The following CSMD1 variants were observed in gnomAD, a reference collection of about 807,000 sequenced individuals.
The protein encoded by CSMD1 is CUB and Sushi multiple domains 1.
A neutral mutation model predicts 417.5 loss-of-function variants in CSMD1; 213 were observed. The observed-to-expected ratio is 0.51, with a 90% CI of 0.46 to 0.57. The LOEUF (loss-of-function observed/expected upper bound fraction) is 0.57. Among genes scored for constraint, CSMD1 ranks in the 20% least tolerant of loss-of-function variants. CSMD1 has a pLI of 0.00. For missense variants in CSMD1, 6,923 were observed against 4,529.7 expected, an observed-to-expected ratio of 1.53 and a Z score of -15.17; for synonymous variants, 2,862 against 1,736.8, an observed-to-expected ratio of 1.65 and a Z score of -16.11.
At chr8:4,536,656 G>C (rs916875037) in intron 2 of CSMD1, among the ~76,000 whole-genome samples, 2 of 152,032 alleles carry the variant, frequency 1.3e-5, no homozygotes, top group Non-Finnish European at 2.9e-5. Flanking sequence ...TCCTTTATTT[G>C]TACTTTGTTA....
chr8:3,868,419 A>T (rs904330669), intron 5 of CSMD1, among the ~76,000 whole-genome samples: 1 of 152,148 alleles, frequency 6.6e-6, no homozygotes, highest in Non-Finnish European at 1.5e-5. Flanking sequence ...ACACAAGGGC[A>T]GCTGGGGGGC....
chr8:3,215,955 C>T (rs370426719), intron 29 of CSMD1, among the ~76,000 whole-genome samples: 11 of 150,434 alleles, frequency 7.3e-5, no homozygotes, highest in East Asian at 1.9e-4. Flanking sequence ...ACTTAATCAT[C>T]GTATACATTA....
At chr8:3,420,350 A>C (rs1813407496) in intron 12 of CSMD1, among the ~76,000 whole-genome samples, 1 of 151,742 alleles carries the variant, frequency 6.6e-6, no homozygotes, top group African/African-American at 2.4e-5. Flanking sequence ...AACAATTCAG[A>C]GGGACCAGAT....
chr8:4,370,758 T>A (rs181872364), intron 3 of CSMD1, among the ~76,000 whole-genome samples: 4 of 152,228 alleles, frequency 2.6e-5, no homozygotes, highest in Non-Finnish European at 4.4e-5. Context: ...GAAATTCCTG[T>A]GGCAAATTTA....
intron 10 of CSMD1, among the ~76,000 whole-genome samples, chr8:3,566,512 G>A (rs113269376): frequency 0.026 from 3,966 of 150,296 alleles, 170 homozygotes; most frequent in African/African-American, 0.087. Flanking sequence ...GCTCAGCCCC[G>A]GTACACCCAA....
At chr8:4,439,866 G>A (rs1334153139) in intron 2 of CSMD1, among the ~76,000 whole-genome samples, 2 of 152,170 alleles carry the variant, frequency 1.3e-5, no homozygotes, top group South Asian at 2.1e-4. Context: ...ATAGGATGGT[G>A]TAATGAGATC....
intron 11 of CSMD1, among the ~76,000 whole-genome samples, chr8:3,470,854 T>A (rs750669191): frequency 7.2e-5 from 11 of 152,228 alleles, no homozygotes; most frequent in Non-Finnish European, 1.3e-4. Flanking sequence ...ACCAATAGTT[T>A]GTTCCCTTTT....
At chr8:3,945,843 T>C (rs1045852288) in intron 5 of CSMD1, among the ~76,000 whole-genome samples, 11 of 152,094 alleles carry the variant, frequency 7.2e-5, no homozygotes, top group South Asian at 2.1e-4. Flanking sequence ...AAGGTAAATA[T>C]TGATTGTAGT....
intron 26 of CSMD1, among the ~76,000 whole-genome samples, chr8:3,260,409 A>T (rs118032724): frequency 0.074 from 11,289 of 152,100 alleles, 565 homozygotes; most frequent in Admixed American, 0.13. Flanking sequence ...AAACACATAG[A>T]AGGAGTATAT....
At chr8:3,268,529 G>A (rs1801603753) in intron 26 of CSMD1, among the ~76,000 whole-genome samples, 14 of 151,832 alleles carry the variant, frequency 9.2e-5, no homozygotes, top group South Asian at 4.2e-4. Context: ...GACCTCATCC[G>A]CCCACCTCGG....
chr8:4,389,479 T>TC (rs1239150179), intron 3 of CSMD1, among the ~76,000 whole-genome samples: 7 of 152,112 alleles, frequency 4.6e-5, no homozygotes, highest in African/African-American at 1.7e-4. Flanking sequence ...TGCTTTTTTT[T>TC]CTCAGAAATG....
chr8:4,969,016 C>T (rs894835513), intron 1 of CSMD1, among the ~76,000 whole-genome samples: 1 of 152,160 alleles, frequency 6.6e-6, no homozygotes. Flanking sequence ...ACTGTCGCTT[C>T]TGGAAAGCCA....
chr8:4,910,771 G>T (rs1184768312), intron 1 of CSMD1, among the ~76,000 whole-genome samples: 2 of 152,130 alleles, frequency 1.3e-5, no homozygotes. Context: ...CCCCAACAAG[G>T]ACCTTATAAG....
chr8:4,302,173 G>C (rs573725792), intron 3 of CSMD1, among the ~76,000 whole-genome samples: 1 of 152,154 alleles, frequency 6.6e-6, no homozygotes, highest in Non-Finnish European at 1.5e-5. Context: ...ATTGCCAGGT[G>C]GAACTTGAGG....
intron 8 of CSMD1, among the ~76,000 whole-genome samples, chr8:3,612,971 G>A (rs1167266867): frequency 6.6e-6 from 1 of 151,942 alleles, no homozygotes; most frequent in African/African-American, 2.4e-5. Flanking sequence ...AAACAATACA[G>A]AAATGTATGT....
At chr8:3,851,035 A>G (rs989465995) in intron 5 of CSMD1, among the ~76,000 whole-genome samples, 3 of 152,248 alleles carry the variant, frequency 2.0e-5, no homozygotes, top group South Asian at 2.1e-4. Flanking sequence ...TGATGCTCAC[A>G]TAACAATTTG....
rs192810182 is a variant in CSMD1 at position 3,998,345 on chromosome 8, C to A, written c.611-235G>T. ...ATGGCCATTGCGGGAAAGATGGAAA[C>A]GGTGGCTTTTCTGAAACATGGAAAG... On this transcript the variant is annotated intron_variant, in intron 4 of 69. Transcript: ENST00000635120. Among the ~76,000 whole-genome samples the A allele has an allele frequency of 1.3e-4, 20 of 152,228 alleles. No homozygotes were observed. The East Asian group carries it at 3.7e-3, about 28-fold the overall frequency.
chr8:4,171,772 C>G (rs1296016659), intron 3 of CSMD1, among the ~76,000 whole-genome samples: 1 of 152,080 alleles, frequency 6.6e-6, no homozygotes, highest in Non-Finnish European at 1.5e-5. Context: ...TTTCTTGGCT[C>G]ACAATCCAAT....
At chr8:4,031,484 C>T (rs1262775230) in intron 4 of CSMD1, among the ~76,000 whole-genome samples, 3 of 152,172 alleles carry the variant, frequency 2.0e-5, no homozygotes, top group African/African-American at 4.8e-5. Flanking sequence ...CACTTACCCC[C>T]ATGATTCAAT....
Sources: gnomAD v4.1 joint callset for allele counts (sites outside exome capture counted in the v4.1 genomes callset) on GRCh38, gnomAD v4.1.1 for gene constraint, MANE v1.5 for transcripts, NCBI Gene and HGNC (gene_info 2026-07-23, HGNC 2026-07-21) for gene names.